Variants in A1BG observed in about 807,000 individuals in gnomAD.
A1BG encodes the protein alpha-1-B glycoprotein, also known as alpha-1B-glycoprotein.
Under a neutral mutation model 46.0 loss-of-function variants are expected in A1BG, and 44 were observed. That is an observed-to-expected ratio of 0.96 (90% CI 0.75 to 1.23). A1BG has a LOEUF of 1.23. A1BG is among the 50% of genes most tolerant of loss of function. The pLI, the probability that A1BG is intolerant of heterozygous loss-of-function variation, is 0.00. For synonymous variants in A1BG, 316 were observed against 314.7 expected (o/e 1.00, Z -0.04); for missense variants, 707 against 688.8 (o/e 1.03, Z -0.30).
chr19:58,347,686 A>ACGCCCCAGGCCG (rs1171379535), intron 6 of A1BG, 46 bp from the exon 7 acceptor site: 19 of 1,034,572 alleles, frequency 1.8e-5, no homozygotes, highest in Admixed American at 5.7e-5. Flanking sequence ...GCCCCAGGCC[A>ACGCCCCAGGCCG]CGCCCCAGGC....
rs981374808 is a variant in A1BG at position 58,353,285 on chromosome 19, C to A, written c.70+7G>T. 1 of 1,613,840 alleles carries A rather than the reference C, an allele frequency of 6.2e-7. No individual in the cohort carries two copies. Among genetic ancestry groups the A allele is most frequent in the Admixed American group, 1.7e-5 (1 of 59,992 alleles). ...CCACCATTCCCAGACCTCACCCCTG[C>A]ACTCACATATGGCTGCTTCTGTCAC... On this transcript the variant is annotated splice_region_variant and intron_variant, in intron 2 of 7. Transcript: ENST00000263100.
chr19:58,347,555 G>A lies in A1BG; in HGVS notation c.1278C>T (p.Pro426=). 6.4e-7 allele frequency: 1 copy of A among 1,562,812 alleles called. No homozygotes were observed. The highest frequency in any genetic ancestry group is 8.6e-7 in the Non-Finnish European group (1 of 1,157,970). The change falls in exon 7 of 8, where the codon CCC becomes CCT. Residue 426 remains proline, a synonymous_variant. Transcript: ENST00000263100. The part of the protein sequence containing the change: ...GRDAVLRCEG[P]IPDVTFELLR... The stretch of plus-strand genomic sequence containing the variant: ...GCAGCTCGAAGGTGACGTCGGGGAT[G>A]GGTCCCTCGCAGCGCAGGACGGCAT...
chr19:58,348,196 C>CA (rs373640214), intron 6 of A1BG, among the ~76,000 whole-genome samples: 2 of 152,156 alleles, frequency 1.3e-5, no homozygotes, highest in Admixed American at 1.3e-4. Flanking sequence ...TACTAAAATA[C>CA]AAAAAATTAG....
In A1BG at chr19:58,351,300, G is replaced by C. The variant is rs963732318; in HGVS notation, c.910+91C>G. On this transcript the variant is annotated intron_variant, in intron 5 of 7. Transcript: ENST00000263100. ...AAAGTTGGTATTGGACCCTGGCCCA[G>C]AGCACTGCACTTCCCCAGACTCTAC... The C allele has an allele frequency of 1.7e-5, 25 of 1,502,532 alleles. No individual in the cohort carries two copies. The Admixed American group carries it at 4.4e-4, about 26-fold the overall frequency. 93.1% of individuals were successfully genotyped at this position (1,502,532 alleles called of 1,614,324 possible). A position where few individuals can be genotyped will look rare whatever the true frequency, so the allele number is the denominator to read the frequency against.
intron 5 of A1BG, 73 bp downstream of exon 5, chr19:58,351,318 G>A: frequency 6.4e-7 from 1 of 1,561,158 alleles, no homozygotes; most frequent in Non-Finnish European, 8.7e-7. Context: ...CACTTCCCCA[G>A]ACTCTACACC....
intron 7 of A1BG, 43 bp downstream of exon 7, chr19:58,347,310 A>G (rs1265957): frequency 0.94 from 1,517,306 of 1,606,022 alleles, 717,682 homozygotes; most frequent in African/African-American, 0.99. Flanking sequence ...CCAGGCAAAC[A>G]TCAGCAGACG....
chr19:58,347,601 C>G lies in A1BG; in HGVS notation c.1232G>C (p.Gly411Ala). 6.7e-7 allele frequency: 1 copy of G among 1,497,654 alleles called. No individual in the cohort carries two copies. Among genetic ancestry groups the G allele is most frequent in the South Asian group, 1.3e-5 (1 of 78,650 alleles). 92.8% of individuals were successfully genotyped at this position (1,497,654 alleles called of 1,614,324 possible). Residue 411 changes from glycine (G) to alanine (A), a missense_variant, in exon 7 of 8, where the codon GGG (glycine) becomes GCG (alanine). Transcript: ENST00000263100. ...PRPQLRATWSGAVLAGRDAVL... is the reference protein window; with the variant it reads ...PRPQLRATWSAAVLAGRDAVL... ...GGCATCTCGGCCCGCCAGGACCGCC[C>G]CACTCCACGTCGCCCGGAGCTGAGG...
chr19:58,351,297 C>T (rs1223057709), intron 5 of A1BG, 94 bp downstream of exon 5: 7 of 1,491,862 alleles, frequency 4.7e-6, no homozygotes, highest in Non-Finnish European at 9.1e-7. Context: ...GGACCCTGGC[C>T]CAGAGCACTG....
rs1438745276 is a variant in A1BG, at chr19:58,351,286, T to C, written c.910+105A>G. 4.2e-6 allele frequency: 6 copies of C among 1,429,942 alleles called. No individual in the cohort carries two copies. In the East Asian group the frequency reaches 1.4e-4, roughly 33 times the overall value. The allele number at this position is 1,429,942 out of a possible 1,614,324, so 88.6% of individuals were successfully genotyped here. Reference sequence around the variant, plus strand: ...GCGGGTGGGCGGATAAAGTTGGTATTGGACCCTGGCCCAGAGCACTGCACT... The same window carrying C: ...GCGGGTGGGCGGATAAAGTTGGTATCGGACCCTGGCCCAGAGCACTGCACT... On this transcript the variant is annotated intron_variant, in intron 5 of 7. Coordinates refer to ENST00000263100, the MANE Select transcript of A1BG (RefSeq NM_130786.4).
intron 5 of A1BG, chr19:58,351,152 A>G (rs1349267151): frequency 2.5e-5 from 15 of 595,680 alleles, no homozygotes; most frequent in Middle Eastern, 4.5e-4. Flanking sequence ...GGGACCTGCC[A>G]GGTGGTGCCC....
In A1BG at chr19:58,351,459, T is replaced by C; in HGVS notation, c.842A>G (p.Tyr281Cys). 1.2e-6 allele frequency: 2 copies of C among 1,613,754 alleles called. No homozygotes were observed. The highest frequency in any genetic ancestry group is 1.7e-6 in the Non-Finnish European group (2 of 1,179,986). ...GCCGTTTTGGTTGTCATGCAGCCGGTAGCGGCAGGTGTAGTGACCTCCATC... is the reference window on the plus strand; with the variant it reads ...GCCGTTTTGGTTGTCATGCAGCCGGCAGCGGCAGGTGTAGTGACCTCCATC... ...LGDGGHYTCRYRLHDNQNGWS... is the reference protein window; with the variant it reads ...LGDGGHYTCRCRLHDNQNGWS... Residue 281 changes from tyrosine (Y) to cysteine (C), a missense_variant, in exon 5 of 8, where the codon TAC (tyrosine) becomes TGC (cysteine). Physicochemically the swap from Tyr to Cys is radical, Grantham distance 194. Coordinates refer to ENST00000263100, the MANE Select transcript of A1BG (RefSeq NM_130786.4).
chr19:58,350,028 C>T (rs948723106), intron 6 of A1BG: 1 of 240,988 alleles, frequency 4.1e-6, no homozygotes, highest in Non-Finnish European at 8.0e-6. Flanking sequence ...GGACCGGGGC[C>T]GGGGCGGGGG....
In A1BG at chr19:58,351,566, G is replaced by A. The variant is rs374586221; in HGVS notation, c.735C>T (p.Arg245=). The A allele has an allele frequency of 2.7e-5, 44 of 1,613,786 alleles. No individual in the cohort carries two copies. Among genetic ancestry groups the A allele is most frequent in the Middle Eastern group, 1.6e-4 (1 of 6,084 alleles). Residue 245 remains arginine, a synonymous_variant, in exon 5 of 8, where the codon CGC becomes CGT. Transcript: ENST00000263100. ...PLSGVDFQLR[R]GEKELLVPRS... is the part of the protein sequence containing the mutation. ...TGGGTACCAGCAGCTCTTTCTCCCC[G>A]CGCCGTAGCTGGAAGTCCACTCCAC...
rs753884034 is a variant in A1BG at position 58,351,497 on chromosome 19, C to G, written c.804G>C (p.Ala268=). The G allele has an allele frequency of 6.2e-7, 1 of 1,613,828 alleles. No individual in the cohort carries two copies. The highest frequency in any genetic ancestry group is 8.5e-7 in the Non-Finnish European group (1 of 1,180,030). The part of the protein sequence containing the change: ...SPDRIFFHLN[A]VALGDGGHYT... ...AGTGACCTCCATCCCCCAGGGCCAC[C>G]GCGTTCAGGTGAAAGAAGATGCGAT... The change falls in exon 5 of 8, where the codon GCG becomes GCC. Residue 268 remains alanine (A), a synonymous_variant. Transcript: ENST00000263100.
At chr19:58,347,103 C>T (rs939852335) in intron 7 of A1BG, 74 bp from the exon 8 acceptor site, 4 of 1,574,462 alleles carry the variant, frequency 2.5e-6, no homozygotes, top group Non-Finnish European at 3.5e-6. Context: ...AAATCAAGGC[C>T]GACCTCCCTG....
In A1BG at chr19:58,352,968, T is replaced by C. The variant is rs1230927629; in HGVS notation, c.300A>G (p.Gly100=). The C allele has an allele frequency of 1.9e-6, 3 of 1,613,714 alleles. No individual in the cohort carries two copies. The highest frequency in any genetic ancestry group is 1.7e-6 in the Non-Finnish European group (2 of 1,180,020). Reference sequence around the variant, plus strand: ...CCAGGAGCTTGCTCAGCTGGGTCCATCCTGTGGACAAGCCCGAGCGGCAGC... The same window carrying C: ...CCAGGAGCTTGCTCAGCTGGGTCCACCCTGTGGACAAGCCCGAGCGGCAGC... ...RYRCRSGLST[G]WTQLSKLLEL... Residue 100 remains glycine (G), a synonymous_variant, in exon 3 of 8, where the codon GGA becomes GGG. Transcript: ENST00000263100.
At chr19:58,352,015 C>T (rs1298686640) in intron 4 of A1BG, 12 of 1,185,518 alleles carry the variant, frequency 1.0e-5, no homozygotes, top group African/African-American at 3.1e-5. Flanking sequence ...AGACTGGTCT[C>T]GATCTCTTGA....
In A1BG at chr19:58,353,330, G is replaced by A. The variant is rs1480693725; in HGVS notation, c.35-3C>T. On this transcript the variant is annotated splice_polypyrimidine_tract_variant and splice_region_variant and intron_variant, in intron 1 of 7. Transcript: ENST00000263100. ...TGTCACTGGGCCCCAGGTGACACCT[G>A]CGGAGACAGCCCCCGTAAGGCTCCT... 2 of 1,611,326 alleles carry A rather than the reference G, an allele frequency of 1.2e-6. No individual in the cohort carries two copies. Among genetic ancestry groups the A allele is most frequent in the Non-Finnish European group, 8.5e-7 (1 of 1,178,934 alleles).
In A1BG at chr19:58,347,013, G is replaced by C. The variant is rs1804831025; in HGVS notation, c.*9C>G. ...AGGACACCAACAGCACCCTGGGCCC[G>C]CGGCTGCATCAGCTTTCTAGACAAC... On this transcript the variant is annotated 3_prime_UTR_variant, in exon 8 of 8. Coordinates refer to ENST00000263100, the MANE Select transcript of A1BG (RefSeq NM_130786.4). The C allele has an allele frequency of 6.2e-7, 1 of 1,613,998 alleles. No homozygotes were observed. Among genetic ancestry groups the C allele is most frequent in the African/African-American group, 1.3e-5 (1 of 74,930 alleles).
Sources: allele counts gnomAD v4.1 joint callset (sites outside exome capture counted in the v4.1 genomes callset), GRCh38; gene constraint gnomAD v4.1.1; transcripts MANE v1.5; gene names NCBI Gene and HGNC (gene_info 2026-07-23, HGNC 2026-07-21).